The following ZMIZ1 variants were observed in gnomAD, a reference collection of about 807,000 sequenced individuals.
ZMIZ1 encodes zinc finger MIZ-type containing 1, also known as zinc finger MIZ domain-containing protein 1.
Under a neutral mutation model 113.9 loss-of-function variants are expected in ZMIZ1, and 17 were observed. The ratio of observed to expected loss-of-function variants is 0.15; its 90% confidence interval spans 0.10 to 0.22. ZMIZ1 has a LOEUF of 0.22. ZMIZ1 is among the 10% of genes least tolerant of loss of function. ZMIZ1 has a pLI of 1.00. For synonymous variants in ZMIZ1, 607 were observed against 603.1 expected (o/e 1.01, Z -0.09); for missense variants, 1,059 against 1,477.8 (o/e 0.72, Z 4.65).
chr10:79,136,021 A>G (rs1188008819), intron 2 of ZMIZ1, among the ~76,000 whole-genome samples: 1 of 152,136 alleles, frequency 6.6e-6, no homozygotes, highest in East Asian at 1.9e-4. Flanking sequence ...ACAAAGAGAG[A>G]AAACAAAGGC....
At chr10:79,291,495 G>A (rs867147277) in intron 10 of ZMIZ1, among the ~76,000 whole-genome samples, 1 of 152,258 alleles carries the variant, frequency 6.6e-6, no homozygotes, top group African/African-American at 2.4e-5. Flanking sequence ...GAGAAAATCT[G>A]GATTGGGAAA....
chr10:79,116,298 A>G (rs1314674697), intron 1 of ZMIZ1, among the ~76,000 whole-genome samples: 2 of 152,064 alleles, frequency 1.3e-5, no homozygotes, highest in African/African-American at 2.4e-5. Context: ...CCCTGGGGGA[A>G]GAGGAGTAGG....
In ZMIZ1 at chr10:79,069,466, G is replaced by A. The variant is rs1842173501; in HGVS notation, c.-337+196G>A. Among the ~76,000 whole-genome samples the A allele has an allele frequency of 6.6e-6, 1 of 151,474 alleles. No homozygotes were observed. Among genetic ancestry groups the A allele is most frequent in the South Asian group, 2.1e-4 (1 of 4,826 alleles). ...GGCCGGGGGCCGAGGCCCGGCGGCC[G>A]GCGAGCTCCCGGCTGCGCGGAGCCG... is the stretch of plus-strand genomic sequence containing the variant. On this transcript the variant is annotated intron_variant, in intron 1 of 24. Coordinates refer to ENST00000334512, the MANE Select transcript of ZMIZ1 (RefSeq NM_020338.4). The surrounding 1 kb of genome is among the most constrained non-coding windows in gnomAD (Gnocchi z 4.6).
chr10:79,266,860 G>A (rs879543452), intron 7 of ZMIZ1, among the ~76,000 whole-genome samples: 1 of 152,246 alleles, frequency 6.6e-6, no homozygotes, highest in Non-Finnish European at 1.5e-5. Flanking sequence ...CAATTCTGCG[G>A]CTAGTTCTGT....
Position 79,296,864 on chromosome 10 carries a change from C to T in ZMIZ1, c.1413+211C>T, listed in dbSNP as rs765872390. On this transcript the variant is annotated intron_variant, in intron 13 of 24. Coordinates refer to ENST00000334512, the MANE Select transcript of ZMIZ1 (RefSeq NM_020338.4). The surrounding 1 kb of genome is among the most constrained non-coding windows in gnomAD (Gnocchi z 4.1). ...TCTCAGTTCCTATTCTCATTCGTCT[C>T]GGATGATGGTTTTTTTTTCTCCTTT... is the stretch of plus-strand genomic sequence containing the variant. 1.7e-5 allele frequency: 7 copies of T among 412,718 alleles called. No individual in the cohort carries two copies. The highest frequency in any genetic ancestry group is 4.1e-5 in the African/African-American group (2 of 48,590). The allele number at this position is 412,718 out of a possible 1,614,324, so 25.6% of individuals were successfully genotyped here.
chr10:79,280,154 A>AT (rs1050704354), intron 8 of ZMIZ1, among the ~76,000 whole-genome samples: 125 of 151,972 alleles, frequency 8.2e-4, no homozygotes, highest in African/African-American at 2.8e-3. Flanking sequence ...CCCATGGCTA[A>AT]TTTTTTGTAT....
At chr10:79,299,463 G>A (rs900590266) in intron 16 of ZMIZ1, among the ~76,000 whole-genome samples, 2 of 152,250 alleles carry the variant, frequency 1.3e-5, no homozygotes, top group Non-Finnish European at 2.9e-5. Context: ...GACCTAGGCT[G>A]GGAAGCTGTG....
intron 6 of ZMIZ1, among the ~76,000 whole-genome samples, chr10:79,211,759 C>T (rs1848535433): frequency 6.6e-6 from 1 of 152,242 alleles, no homozygotes; most frequent in Non-Finnish European, 1.5e-5. Flanking sequence ...GCCACCACTT[C>T]CTCATCAGAA....
At chr10:79,167,555 G>A (rs1443815615) in intron 4 of ZMIZ1, among the ~76,000 whole-genome samples, 2 of 152,176 alleles carry the variant, frequency 1.3e-5, no homozygotes, top group Non-Finnish European at 2.9e-5. Flanking sequence ...GCAGGACCAT[G>A]GCTAGAACCC....
rs563901804 is a variant in ZMIZ1 at position 79,150,103 on chromosome 10, G to A, written c.-131+10326G>A. ...ACAGGAAGCCAGGGCGGGGCTGGAG[G>A]ATGGGGCTCAGGGTGGCCTGGGCCT... is the stretch of plus-strand genomic sequence containing the variant. On this transcript the variant is annotated intron_variant, in intron 3 of 24. Coordinates refer to ENST00000334512, the MANE Select transcript of ZMIZ1 (RefSeq NM_020338.4). Among the ~76,000 whole-genome samples the A allele has an allele frequency of 9.8e-5, 15 of 152,332 alleles. No homozygotes were observed. The East Asian group carries it at 2.5e-3, about 26-fold the overall frequency.
At chr10:79,290,470 G>A (rs1034357424) in intron 9 of ZMIZ1, among the ~76,000 whole-genome samples, 11 of 152,182 alleles carry the variant, frequency 7.2e-5, no homozygotes, top group African/African-American at 2.7e-4. Flanking sequence ...TGGGCTGACC[G>A]GTTGTCGCCT....
intron 1 of ZMIZ1, among the ~76,000 whole-genome samples, chr10:79,103,787 G>A (rs1292295016): frequency 1.3e-5 from 2 of 152,168 alleles, no homozygotes; most frequent in Non-Finnish European, 2.9e-5. Context: ...CTGGCCTGGG[G>A]TTTTGTCCCA....
intron 6 of ZMIZ1, among the ~76,000 whole-genome samples, chr10:79,209,426 C>T (rs1589427083): frequency 6.6e-6 from 1 of 152,330 alleles, no homozygotes; most frequent in East Asian, 1.9e-4. Context: ...AGCCATGTGG[C>T]CTGTGTCCAT....
intron 10 of ZMIZ1, 51 bp downstream of exon 10, chr10:79,291,227 C>T (rs1467527519): frequency 3.3e-6 from 5 of 1,525,814 alleles, no homozygotes; most frequent in Admixed American, 2.0e-5. Flanking sequence ...CCCTCTTCCT[C>T]CTTCCAGTGG....
At chr10:79,206,775 G>A (rs781070173) in intron 5 of ZMIZ1, among the ~76,000 whole-genome samples, 3 of 152,220 alleles carry the variant, frequency 2.0e-5, no homozygotes, top group Non-Finnish European at 4.4e-5. Context: ...GCCTCATCTT[G>A]TTTAAGCCTC....
chr10:79,224,353 G>A (rs1211900623), intron 7 of ZMIZ1, among the ~76,000 whole-genome samples: 1 of 152,226 alleles, frequency 6.6e-6, no homozygotes, highest in Admixed American at 6.5e-5. Flanking sequence ...TTTGGTTGGA[G>A]TTGGCAGGGG....
intron 7 of ZMIZ1, among the ~76,000 whole-genome samples, chr10:79,246,145 C>G (rs936071464): frequency 1.4e-4 from 21 of 152,246 alleles, no homozygotes; most frequent in African/African-American, 4.8e-4. Context: ...CTGAGGTTCA[C>G]TTTTGCCCAA....
chr10:79,243,544 G>T (rs1488537760), intron 7 of ZMIZ1: 1 of 146,556 alleles, frequency 6.8e-6, no homozygotes, highest in Non-Finnish European at 1.5e-5. Context: ...AGCGGGCGCC[G>T]GACCCGCCCG....
intron 17 of ZMIZ1, among the ~76,000 whole-genome samples, 190 bp from the exon 18 acceptor site, chr10:79,301,917 C>T (rs1854326659): frequency 6.6e-6 from 1 of 152,156 alleles, no homozygotes; most frequent in Admixed American, 6.5e-5. Flanking sequence ...TCAAAGTCCA[C>T]CTTGTCGATC....
Sources: allele counts gnomAD v4.1 joint callset (sites outside exome capture counted in the v4.1 genomes callset), GRCh38; gene constraint gnomAD v4.1.1; non-coding constraint Gnocchi (gnomAD v3.1); transcripts MANE v1.5; gene names NCBI Gene and HGNC (gene_info 2026-07-23, HGNC 2026-07-21).